Variants in TM2D1 observed in about 807,000 individuals in gnomAD.
The protein encoded by TM2D1 is TM2 domain containing 1.
A neutral mutation model predicts 28.4 loss-of-function variants in TM2D1; 15 were observed. That is an observed-to-expected ratio of 0.53 (90% CI 0.35 to 0.81). TM2D1 has a LOEUF of 0.81. TM2D1 is among the 40% of genes least tolerant of loss of function. TM2D1 has a pLI of 0.01. For synonymous variants in TM2D1, 93 were observed against 96.2 expected, an observed-to-expected ratio of 0.97 and a Z score of 0.20; for missense variants, 236 against 254.9, an observed-to-expected ratio of 0.93 and a Z score of 0.50.
At chr1:61,685,087 G>C (rs1441024885) in intron 5 of TM2D1, among the ~76,000 whole-genome samples, 1 of 152,174 alleles carries the variant, frequency 6.6e-6, no homozygotes, top group African/African-American at 2.4e-5. Context: ...TTACAGGCGT[G>C]AGCCAATGTG....
intron 2 of TM2D1, among the ~76,000 whole-genome samples, chr1:61,716,499 A>G (rs1276017686): frequency 6.9e-6 from 1 of 145,500 alleles, no homozygotes; most frequent in African/African-American, 2.5e-5. Context: ...GTATATAATT[A>G]TATATAATTT....
rs975327878 is a variant in TM2D1 at position 61,723,729 on chromosome 1, T to A, written c.222A>T (p.Thr74=). 17 of 1,557,570 alleles carry A rather than the reference T, an allele frequency of 1.1e-5. No individual in the cohort carries two copies. The African/African-American group carries it at 2.3e-4, about 21-fold the overall frequency. ...NDATQEPVNC[T]NYTAHVSCFP... is the part of the protein sequence containing the mutation. ...AAGTCTTACCATGAGCTGTGTAGTT[T>A]GTACAGTTAACTGGTTCTTGCGTAG... The change falls in exon 2 of 7, where the codon ACA becomes ACT. Residue 74 remains threonine, a synonymous_variant. Transcript: ENST00000606498.
intron 2 of TM2D1, among the ~76,000 whole-genome samples, chr1:61,709,659 C>T (rs1342410325): frequency 2.0e-5 from 3 of 152,038 alleles, no homozygotes; most frequent in Non-Finnish European, 4.4e-5. Flanking sequence ...TAAGAGTTGC[C>T]ACACTGGACT....
At chr1:61,692,982 C>T (rs1644339855) in intron 5 of TM2D1, among the ~76,000 whole-genome samples, 1 of 152,146 alleles carries the variant, frequency 6.6e-6, no homozygotes, top group Non-Finnish European at 1.5e-5. Flanking sequence ...GTTGCTCACG[C>T]CTGTAATAAT....
rs566587172 is a variant in TM2D1 at position 61,702,277 on chromosome 1, G to A, written c.348-1252C>T. Among the ~76,000 whole-genome samples the A allele has an allele frequency of 1.8e-3, 281 of 151,898 alleles. 1 individual carries two copies. Among genetic ancestry groups the A allele is most frequent in the Non-Finnish European group, 3.4e-3 (233 of 67,958 alleles). ...GGTGCCATTCAATGAGACAAAGGAG[G>A]AAAGGATTTGAAGAAAAAGAAACAA... On this transcript the variant is annotated intron_variant, in intron 3 of 6. Coordinates refer to ENST00000606498, the MANE Select transcript of TM2D1 (RefSeq NM_032027.3).
intron 2 of TM2D1, among the ~76,000 whole-genome samples, chr1:61,711,104 G>A (rs1035831294): frequency 2.6e-5 from 4 of 152,114 alleles, no homozygotes; most frequent in Admixed American, 6.6e-5. Context: ...TTGAGAGGCC[G>A]AGGCAGATGG....
In TM2D1 at chr1:61,687,013, G is replaced by A. The variant is rs1644290088; in HGVS notation, c.514-3467C>T. On this transcript the variant is annotated intron_variant, in intron 5 of 6. Transcript: ENST00000606498. ...ATTTGTCCATAGGCAACAGAGTATG[G>A]AACCCAAAATTATGAGTTTATTTCT... is the stretch of plus-strand genomic sequence containing the variant. 1.1e-5 allele frequency: 11 copies of A among 981,218 alleles called. No homozygotes were observed. The South Asian group carries it at 3.8e-4, about 34-fold the overall frequency. 60.8% of individuals were successfully genotyped at this position (981,218 alleles called of 1,614,324 possible). A position where few individuals can be genotyped will look rare whatever the true frequency, so the allele number is the denominator to read the frequency against.
At chr1:61,702,908 C>CCAGCCTGGCCAACACGGTA (rs1644412748) in intron 3 of TM2D1, among the ~76,000 whole-genome samples, 1 of 151,272 alleles carries the variant, frequency 6.6e-6, no homozygotes, top group Non-Finnish European at 1.5e-5. Flanking sequence ...GAGTTTGAGA[C>CCAGCCTGGCCAACACGGTA]CAGCCTGGCC....
intron 2 of TM2D1, among the ~76,000 whole-genome samples, chr1:61,715,245 G>C (rs1247025012): frequency 6.6e-6 from 1 of 152,172 alleles, no homozygotes; most frequent in Non-Finnish European, 1.5e-5. Context: ...TTTAGAACTA[G>C]ACAGATTTGG....
chr1:61,707,086 C>G (rs1482915800), intron 3 of TM2D1, among the ~76,000 whole-genome samples: 4 of 152,060 alleles, frequency 2.6e-5, no homozygotes, highest in African/African-American at 9.7e-5. Flanking sequence ...GAAACCCCAT[C>G]TCTACTAAAA....
chr1:61,686,360 C>T (rs1353745460), intron 5 of TM2D1, among the ~76,000 whole-genome samples: 1 of 152,062 alleles, frequency 6.6e-6, no homozygotes, highest in Non-Finnish European at 1.5e-5. Context: ...GATCCACATT[C>T]CTTTGCCAAA....
chr1:61,709,307 T>G lies in TM2D1; in HGVS notation c.347+22A>C, dbSNP rs376961307. Reference sequence around the variant, plus strand: ...AATATAGGCAAGTAATCTGAAAATTTAAGTTTCAGTAATGTACTTACACAT... The same window carrying G: ...AATATAGGCAAGTAATCTGAAAATTGAAGTTTCAGTAATGTACTTACACAT... On this transcript the variant is annotated intron_variant, in intron 3 of 6. Transcript: ENST00000606498. 44 of 1,468,644 alleles carry G rather than the reference T, an allele frequency of 3.0e-5. No individual in the cohort carries two copies. The African/African-American group carries it at 5.7e-4, about 19-fold the overall frequency. The allele number at this position is 1,468,644 out of a possible 1,614,324, so 91.0% of individuals were successfully genotyped here.
At position 61,699,199 on chromosome 1, in the gene TM2D1, TC is replaced by T. The variant is rs772633429; in HGVS notation, c.439+1734del. ...CTCTACAGAAAAATACCGAAATAAGTCAGGCATGGTGGTACATGCCTGTAGT... is the reference window on the plus strand; with the variant it reads ...CTCTACAGAAAAATACCGAAATAAGTAGGCATGGTGGTACATGCCTGTAGT... On this transcript the variant is annotated intron_variant, in intron 4 of 6. Coordinates refer to ENST00000606498, the MANE Select transcript of TM2D1 (RefSeq NM_032027.3). 4.6e-5 allele frequency: 7 copies of T among 151,820 alleles called. No homozygotes were observed. The East Asian group carries it at 9.7e-4, about 21-fold the overall frequency. 9.4% of individuals were successfully genotyped at this position (151,820 alleles called of 1,614,324 possible).
intron 5 of TM2D1, among the ~76,000 whole-genome samples, chr1:61,686,508 C>CT (rs966363300): frequency 1.3e-5 from 2 of 151,246 alleles, no homozygotes; most frequent in African/African-American, 2.4e-5. Context: ...AAAAAAAATA[C>CT]AAGAATTAGT....
chr1:61,712,877 C>A (rs1404825360), intron 2 of TM2D1, among the ~76,000 whole-genome samples: 1 of 152,120 alleles, frequency 6.6e-6, no homozygotes, highest in Non-Finnish European at 1.5e-5. Context: ...GGAAAGAGTG[C>A]ACACTTAAAA....
chr1:61,696,750 C>A (rs1418900884), intron 4 of TM2D1, among the ~76,000 whole-genome samples: 1 of 151,936 alleles, frequency 6.6e-6, no homozygotes, highest in Admixed American at 6.6e-5. Context: ...AAGCAGCATG[C>A]CACCCTATCC....
chr1:61,722,324 C>T (rs1644573903), intron 2 of TM2D1, among the ~76,000 whole-genome samples: 1 of 152,006 alleles, frequency 6.6e-6, no homozygotes, highest in Non-Finnish European at 1.5e-5. Flanking sequence ...GGAGATATTG[C>T]TTAGTATGTA....
Position 61,723,167 on chromosome 1 carries a change from C to T in TM2D1, c.238+546G>A, listed in dbSNP as rs142263486. ...TTAAATACACACACATAAACACATA[C>T]CCCAAATCAAATAAATATAATCAAA... On this transcript the variant is annotated intron_variant, in intron 2 of 6. Coordinates refer to ENST00000606498, the MANE Select transcript of TM2D1 (RefSeq NM_032027.3). Among the ~76,000 whole-genome samples, 197 of 152,186 alleles carry T rather than the reference C, an allele frequency of 1.3e-3. 2 individuals are homozygous for T. The highest frequency in any genetic ancestry group is 2.3e-3 in the Non-Finnish European group (157 of 68,000).
chr1:61,716,441 TTATA>T (rs1322083161), intron 2 of TM2D1, among the ~76,000 whole-genome samples: 5 of 145,094 alleles, frequency 3.4e-5, no homozygotes, highest in Non-Finnish European at 6.0e-5. Context: ...AAGTGTATAA[TTATA>T]TATAATTTTA....
Sources: allele counts gnomAD v4.1 joint callset (sites outside exome capture counted in the v4.1 genomes callset), GRCh38; gene constraint gnomAD v4.1.1; transcripts MANE v1.5; gene names NCBI Gene and HGNC (gene_info 2026-07-23, HGNC 2026-07-21).